Variants in LRRC56 observed in about 807,000 individuals in gnomAD.
LRRC56 encodes the protein leucine-rich repeat-containing protein 56.
LRRC56 carries 41 observed loss-of-function variants against 47.8 expected under a neutral mutation model. That is an observed-to-expected ratio of 0.86 (90% CI 0.67 to 1.11). The LOEUF is 1.11. Among genes scored for constraint, LRRC56 ranks in the 50% most tolerant of loss-of-function variants. The probability of loss-of-function intolerance (pLI) is 0.00; values close to 1 mark genes in which losing one functional copy is unlikely to be tolerated. For synonymous variants in LRRC56, 387 were observed against 311.2 expected (o/e 1.24, Z -2.56); for missense variants, 759 against 704.2 (o/e 1.08, Z -0.88).
chr11:550,630 G>A (rs868815198), intron 8 of LRRC56, among the ~76,000 whole-genome samples: 1 of 152,126 alleles, frequency 6.6e-6, no homozygotes, highest in Non-Finnish European at 1.5e-5. Flanking sequence ...CAGCCCCACA[G>A]GCCCCACAGA....
upstream of LRRC56, chr11:533,664 T>A (rs143771550): frequency 4.3e-5 from 69 of 1,612,704 alleles, 1 homozygote; most frequent in South Asian, 2.2e-4. Context: ...CGCAGCGGCA[T>A]CCAGGACATG....
upstream of LRRC56, among the ~76,000 whole-genome samples, chr11:534,780 T>C (rs1851354704): frequency 6.6e-6 from 1 of 152,178 alleles, no homozygotes; most frequent in Non-Finnish European, 1.5e-5. Context: ...AGTGCCAGCC[T>C]GCAGGCCCCG....
At chr11:553,847 C>G (rs74892491) in intron 13 of LRRC56, 116 bp from the exon 14 acceptor site, 1 of 840,176 alleles carries the variant, frequency 1.2e-6, no homozygotes, top group African/African-American at 1.7e-5. Flanking sequence ...GCCTGTGGAC[C>G]CCCAAGGACC....
At chr11:552,358 G>T (rs182438929) in intron 12 of LRRC56, 126 bp downstream of exon 12, 3 of 1,378,566 alleles carry the variant, frequency 2.2e-6, no homozygotes, top group South Asian at 1.4e-5. Context: ...GTCCTGTCCC[G>T]TGGGGGGATC....
intron 6 of LRRC56, among the ~76,000 whole-genome samples, chr11:547,552 C>T (rs1401997156): frequency 6.6e-6 from 1 of 151,504 alleles, no homozygotes; most frequent in Non-Finnish European, 1.5e-5. Context: ...CGAGGTTTCA[C>T]CACGTTGGCC....
chr11:552,192 G>A lies in LRRC56; in HGVS notation c.1141G>A (p.Ala381Thr). The change falls in exon 12 of 14, where the codon GCC becomes ACC. Residue 381 changes from alanine to threonine, a missense_variant. Physicochemically the swap from Ala to Thr is moderately conservative, Grantham distance 58. Coordinates refer to ENST00000270115, the MANE Select transcript of LRRC56 (RefSeq NM_198075.4). Reference sequence around the variant, plus strand: ...CCCTGCAGACAGCTCTGACTTCCTGGCCTTGGCTGGGCTCAGGGCCTGGAG... The same window carrying A: ...CCCTGCAGACAGCTCTGACTTCCTGACCTTGGCTGGGCTCAGGGCCTGGAG... Reference protein sequence around the residue: ...PDPADSSDFLALAGLRAWREH... With the variant: ...PDPADSSDFLTLAGLRAWREH... 6.2e-7 allele frequency: 1 copy of A among 1,612,554 alleles called. No individual in the cohort carries two copies. The highest frequency in any genetic ancestry group is 8.5e-7 in the Non-Finnish European group (1 of 1,179,780).
In LRRC56 at chr11:554,093, G is replaced by A; in HGVS notation, c.1446G>A (p.Leu482=). 1.2e-6 allele frequency: 2 copies of A among 1,607,246 alleles called. No homozygotes were observed. Among genetic ancestry groups the A allele is most frequent in the Non-Finnish European group, 1.7e-6 (2 of 1,178,444 alleles). The change falls in exon 14 of 14, where the codon CTG becomes CTA. Residue 482 remains leucine, a synonymous_variant. Coordinates refer to ENST00000270115, the MANE Select transcript of LRRC56 (RefSeq NM_198075.4). ...CCAGGGGGCGTCGGCTCCGAGTCCT[G>A]GGCAGCTGGGGGCCTGGCCTGGGTG... The part of the protein sequence containing the change: ...LQSRGRRLRV[L]GSWGPGLGDG...
chr11:542,705 T>C (rs1198633981), intron 5 of LRRC56, among the ~76,000 whole-genome samples: 1 of 151,816 alleles, frequency 6.6e-6, no homozygotes, highest in East Asian at 1.9e-4. Context: ...GTCAGGCCAC[T>C]GTTCTTTTTC....
intron 12 of LRRC56, 25 bp downstream of exon 12, chr11:552,257 C>G (rs374359911): frequency 6.2e-7 from 1 of 1,600,212 alleles, no homozygotes. Context: ...AGCTCTTCCA[C>G]TGGGTGTGTC....
At chr11:532,507 A>G in the LRRC56 span, 3 of 1,289,964 alleles carry the variant, frequency 2.3e-6, no homozygotes, top group Non-Finnish European at 3.2e-6. Flanking sequence ...CGGCACCTCC[A>G]TGTCCTGAGC....
Position 554,679 on chromosome 11 carries a change from C to T in LRRC56, c.*403C>T. ...TTGCCGGCCCCAGGGTAAGAGCCAC[C>T]TCCTAGGCCGCAGTGGCCCAAGGTC... On this transcript the variant is annotated 3_prime_UTR_variant, in exon 14 of 14. Coordinates refer to ENST00000270115, the MANE Select transcript of LRRC56 (RefSeq NM_198075.4). 2.4e-6 allele frequency: 1 copy of T among 421,306 alleles called. No homozygotes were observed. The highest frequency in any genetic ancestry group is 4.3e-6 in the Non-Finnish European group (1 of 235,276). 26.1% of individuals were successfully genotyped at this position (421,306 alleles called of 1,614,324 possible). A position where few individuals can be genotyped will look rare whatever the true frequency, so the allele number is the denominator to read the frequency against.
intron 7 of LRRC56, 27 bp downstream of exon 7, chr11:550,025 A>G (rs1184659868): frequency 1.3e-6 from 2 of 1,598,858 alleles, no homozygotes; most frequent in African/African-American, 2.7e-5. Flanking sequence ...TGGGCTGGGG[A>G]GGCCTGGGCT....
chr11:518,304 T>C, the LRRC56 span, among the ~76,000 whole-genome samples: 1 of 151,646 alleles, frequency 6.6e-6, no homozygotes, highest in Non-Finnish European at 1.5e-5. Flanking sequence ...GCCTCAGCCT[T>C]AGGAGTAGCT....
At chr11:530,950 G>C in the LRRC56 span, among the ~76,000 whole-genome samples, 1 of 40,780 alleles carries the variant, frequency 2.5e-5, no homozygotes, top group Non-Finnish European at 4.4e-5. Flanking sequence ...GACAGAAGGG[G>C]GAGTGTGGCG....
At chr11:517,686 G>A in the LRRC56 span, among the ~76,000 whole-genome samples, 1,273 of 152,318 alleles carry the variant, frequency 8.4e-3, 23 homozygotes, top group African/African-American at 0.029. Context: ...AGCGACCATC[G>A]AGAACGGGCC....
chr11:533,428 G>T, upstream of LRRC56: 2 of 1,611,506 alleles, frequency 1.2e-6, no homozygotes, highest in Non-Finnish European at 1.7e-6. Context: ...TCCCTGGCTA[G>T]CTGTGGGGTG....
chr11:527,698 ATTTTTTT>A, the LRRC56 span, among the ~76,000 whole-genome samples: 40 of 111,554 alleles, frequency 3.6e-4, no homozygotes, highest in Admixed American at 1.5e-3. Context: ...CGCCCGGCTA[ATTTTTTT>A]TTTTTTTTTT....
rs1852610076 is a variant in LRRC56 at position 554,044 on chromosome 11, C to CG, written c.1398dup (p.Arg467AlafsTer25). 6.2e-7 allele frequency: 1 copy of CG among 1,611,824 alleles called. No individual in the cohort carries two copies. The highest frequency in any genetic ancestry group is 1.3e-5 in the African/African-American group (1 of 74,898). ...CCACGAGATTCTGGCAGCAGCTCCC[C>CG]GCGGTGGTCGACAGACCTGCAGTCC... On this transcript the variant is annotated frameshift_variant, in exon 14 of 14. Transcript: ENST00000270115. LOFTEE classifies it low-confidence loss of function (END_TRUNC).
At chr11:536,020 TG>T (rs1428652944), upstream of LRRC56, among the ~76,000 whole-genome samples, 1 of 152,108 alleles carries the variant, frequency 6.6e-6, no homozygotes, top group Non-Finnish European at 1.5e-5. Context: ...TGCTCGGAGC[TG>T]GGGGCCCCCG....
Sources: allele counts gnomAD v4.1 joint callset (sites outside exome capture counted in the v4.1 genomes callset), GRCh38; gene constraint gnomAD v4.1.1; transcripts MANE v1.5; gene names NCBI Gene and HGNC (gene_info 2026-07-23, HGNC 2026-07-21).